Variants in PKP4 observed in about 807,000 individuals in gnomAD.
The protein encoded by PKP4 is plakophilin-4.
In PKP4, 90 loss-of-function variants were observed where a neutral mutation model predicts 145.1. That is an observed-to-expected ratio of 0.62 (90% confidence interval 0.52 to 0.74). The LOEUF is 0.74. Ranked by LOEUF, PKP4 falls within the 30% of genes least tolerant of loss-of-function variation. The probability of loss-of-function intolerance (pLI) is 0.00; values close to 1 mark genes in which losing one functional copy is unlikely to be tolerated. For synonymous variants in PKP4, 563 were observed against 577.2 expected, an observed-to-expected ratio of 0.98 and a Z score of 0.35; for missense variants, 1,340 against 1,482.7, an observed-to-expected ratio of 0.90 and a Z score of 1.58.
intron 11 of PKP4, among the ~76,000 whole-genome samples, chr2:158,654,185 G>C (rs543226898): frequency 6.6e-6 from 1 of 152,334 alleles, no homozygotes; most frequent in East Asian, 1.9e-4. Context: ...CCATACCGAA[G>C]GTTGCAACTC....
chr2:158,467,813 C>A (rs1195043126), intron 1 of PKP4, among the ~76,000 whole-genome samples: 1 of 152,078 alleles, frequency 6.6e-6, no homozygotes, highest in Non-Finnish European at 1.5e-5. Context: ...TGCCACTGCA[C>A]TCCAACCTGG....
chr2:158,565,773 C>T (rs192170341), intron 2 of PKP4, among the ~76,000 whole-genome samples: 50 of 152,216 alleles, frequency 3.3e-4, no homozygotes, highest in Admixed American at 7.8e-4. Context: ...CTTTAATATT[C>T]CTTATAGGTT....
At chr2:158,583,804 G>A (rs553972946) in intron 3 of PKP4, among the ~76,000 whole-genome samples, 1 of 151,420 alleles carries the variant, frequency 6.6e-6, no homozygotes, top group South Asian at 2.1e-4. Flanking sequence ...GGTATGCCAG[G>A]GTATTCTTTA....
At chr2:158,538,979 C>G (rs2044298193) in intron 2 of PKP4, among the ~76,000 whole-genome samples, 1 of 152,182 alleles carries the variant, frequency 6.6e-6, no homozygotes, top group African/African-American at 2.4e-5. Flanking sequence ...TATATGCACT[C>G]TTTTTACTCT....
chr2:158,679,714 A>C (rs1224685554), intron 21 of PKP4, among the ~76,000 whole-genome samples: 3 of 152,224 alleles, frequency 2.0e-5, no homozygotes, highest in African/African-American at 7.2e-5. Flanking sequence ...GTGGGTGCCC[A>C]CGTGTGCCTG....
intron 11 of PKP4, among the ~76,000 whole-genome samples, chr2:158,643,913 G>A (rs2105937191): frequency 6.6e-6 from 1 of 151,974 alleles, no homozygotes; most frequent in Non-Finnish European, 1.5e-5. Context: ...TTACACACAC[G>A]CGCCACCAAA....
At chr2:158,486,113 C>T (rs1694133331) in intron 1 of PKP4, among the ~76,000 whole-genome samples, 1 of 152,046 alleles carries the variant, frequency 6.6e-6, no homozygotes, top group Non-Finnish European at 1.5e-5. Context: ...AATTTGTAAT[C>T]ATAGCATTAT....
chr2:158,550,896 A>G (rs2045563098), intron 2 of PKP4, among the ~76,000 whole-genome samples: 1 of 152,232 alleles, frequency 6.6e-6, no homozygotes, highest in African/African-American at 2.4e-5. Context: ...GGAATTTACA[A>G]CCTAGGCAAC....
intron 1 of PKP4, among the ~76,000 whole-genome samples, chr2:158,530,998 A>G (rs562014569): frequency 1.3e-5 from 2 of 152,020 alleles, no homozygotes; most frequent in Admixed American, 6.6e-5. Flanking sequence ...CCTTGATCCT[A>G]TGTTGCTGCA....
At chr2:158,463,904 G>A (rs972837885) in intron 1 of PKP4, among the ~76,000 whole-genome samples, 2 of 152,198 alleles carry the variant, frequency 1.3e-5, no homozygotes, top group African/African-American at 4.8e-5. Context: ...CGGTAGTGGT[G>A]AAGTGCTCCA....
intron 20 of PKP4, chr2:158,677,441 T>C (rs771232971): frequency 5.8e-6 from 1 of 171,100 alleles, no homozygotes; most frequent in Non-Finnish European, 1.3e-5. Context: ...CAGAAAGCTG[T>C]GCATACAATT....
At chr2:158,597,841 C>G (rs542345549) in intron 3 of PKP4, among the ~76,000 whole-genome samples, 4 of 152,226 alleles carry the variant, frequency 2.6e-5, no homozygotes, top group African/African-American at 9.6e-5. Flanking sequence ...GGGTCTCACT[C>G]TGTTGCCCAG....
chr2:158,480,546 CT>C (rs953270149), intron 1 of PKP4, among the ~76,000 whole-genome samples: 172 of 142,790 alleles, frequency 1.2e-3, no homozygotes, highest in Admixed American at 9.8e-4. Context: ...CTCTGGGATT[CT>C]TTTTTTTTTT....
chr2:158,665,268 G>A (rs1015005504), intron 15 of PKP4, among the ~76,000 whole-genome samples: 52 of 152,166 alleles, frequency 3.4e-4, no homozygotes, highest in African/African-American at 1.1e-3. Flanking sequence ...TCAGAGAGAA[G>A]TTCATAAAAC....
intron 1 of PKP4, among the ~76,000 whole-genome samples, chr2:158,495,334 A>T (rs188574222): frequency 7.3e-6 from 1 of 136,272 alleles, no homozygotes; most frequent in East Asian, 2.2e-4. Flanking sequence ...ACATTGCTAC[A>T]ATTCTTCTGG....
chr2:158,599,720 G>A (rs2050067170), intron 3 of PKP4, among the ~76,000 whole-genome samples: 1 of 152,148 alleles, frequency 6.6e-6, no homozygotes. Context: ...AACTCATGGA[G>A]TCTCTAGGAA....
At chr2:158,557,383 T>C (rs558341273) in intron 2 of PKP4, among the ~76,000 whole-genome samples, 1 of 152,302 alleles carries the variant, frequency 6.6e-6, no homozygotes, top group South Asian at 2.1e-4. Context: ...GTTGTATGAA[T>C]GAATGAGCTG....
chr2:158,571,569 A>G (rs190989447), intron 2 of PKP4, among the ~76,000 whole-genome samples: 20 of 152,332 alleles, frequency 1.3e-4, no homozygotes, highest in Non-Finnish European at 1.5e-4. Context: ...TTTTCGAGAA[A>G]GAACTACATT....
At chr2:158,520,305 A>G (rs769443814) in intron 1 of PKP4, among the ~76,000 whole-genome samples, 1 of 152,192 alleles carries the variant, frequency 6.6e-6, no homozygotes. Flanking sequence ...ATTGAATGTT[A>G]TACAGGGCTG....
Sources: allele counts gnomAD v4.1 joint callset (sites outside exome capture counted in the v4.1 genomes callset), GRCh38; gene constraint gnomAD v4.1.1; transcripts MANE v1.5; gene names NCBI Gene and HGNC (gene_info 2026-07-23, HGNC 2026-07-21).